The following ANKRD29 variants were observed in gnomAD, a reference collection of about 807,000 sequenced individuals.
The protein encoded by ANKRD29 is ankyrin repeat domain-containing protein 29.
In ANKRD29, 32 loss-of-function variants were observed where a neutral mutation model predicts 38.0. The ratio of observed to expected loss-of-function variants is 0.84; its 90% CI spans 0.64 to 1.13. The LOEUF (loss-of-function observed/expected upper bound fraction) is 1.13, where lower values mean the gene tolerates loss of function less well. ANKRD29 is among the 50% of genes most tolerant of loss of function. ANKRD29 has a pLI of 0.00. For missense variants in ANKRD29, 357 were observed against 377.9 expected (o/e 0.94, Z 0.46); for synonymous variants, 135 against 152.4 (o/e 0.89, Z 0.84).
At chr18:23,647,052 T>C (rs1261271732) in intron 2 of ANKRD29, 1 of 152,232 alleles carries the variant, frequency 6.6e-6, no homozygotes, top group Non-Finnish European at 1.5e-5. Flanking sequence ...TGCTCAGAAG[T>C]GGATGATGAG....
chr18:23,633,951 A>G, intron 5 of ANKRD29, 100 bp downstream of exon 5: 2 of 1,194,314 alleles, frequency 1.7e-6, no homozygotes, highest in Non-Finnish European at 2.5e-6. Context: ...CCTACTGTCC[A>G]TTAAAGTATT....
chr18:23,616,063 C>T (rs1435539497), intron 8 of ANKRD29, among the ~76,000 whole-genome samples: 3 of 147,064 alleles, frequency 2.0e-5, no homozygotes, highest in East Asian at 3.9e-4. Flanking sequence ...CTACACATAC[C>T]GTATGTATGT....
chr18:23,638,124 A>C (rs978130696), intron 4 of ANKRD29, among the ~76,000 whole-genome samples: 4 of 149,524 alleles, frequency 2.7e-5, no homozygotes, highest in Non-Finnish European at 5.9e-5. Context: ...CAGCCTCCTG[A>C]GTAGCTGGGA....
chr18:23,619,702 AC>A, intron 6 of ANKRD29, 73 bp from the exon 7 acceptor site: 1 of 1,323,956 alleles, frequency 7.6e-7, no homozygotes, highest in Non-Finnish European at 1.0e-6. Context: ...CGTCTTTAAC[AC>A]CAGGGGTCTG....
intron 1 of ANKRD29, 54 bp from the exon 2 acceptor site, chr18:23,649,247 G>A: frequency 6.3e-6 from 8 of 1,273,244 alleles, no homozygotes; most frequent in Non-Finnish European, 7.9e-6. Flanking sequence ...TAACATGACT[G>A]CTGCTATGCA....
intron 3 of ANKRD29, among the ~76,000 whole-genome samples, chr18:23,639,725 AG>A (rs1219498934): frequency 3.3e-5 from 5 of 152,030 alleles, no homozygotes; most frequent in African/African-American, 4.8e-5. Flanking sequence ...TAGTAGAAAC[AG>A]GGTTTCACTA....
intron 3 of ANKRD29, among the ~76,000 whole-genome samples, chr18:23,644,614 C>T (rs2060116145): frequency 6.6e-6 from 1 of 152,214 alleles, no homozygotes; most frequent in East Asian, 1.9e-4. Flanking sequence ...TCCAGGGCTA[C>T]AGAGACCCAG....
Position 23,616,526 on chromosome 18 carries a change from G to A in ANKRD29, c.723+1206C>T, listed in dbSNP as rs144028323. 2.5e-3 allele frequency among the ~76,000 whole-genome samples: 331 copies of A among 133,262 alleles called. 13 individuals are homozygous for A. In the East Asian group the frequency reaches 0.071, roughly 29 times the overall value. The allele number at this position is 133,262 out of a possible 152,430, so 87.4% of individuals were successfully genotyped here. A position where few individuals can be genotyped will look rare whatever the true frequency, so the allele number is the denominator to read the frequency against. ...AGTGAAACCCTGTCTCTGAAAAAATGTAAATTTATACTATATATATATAGT... is the reference window on the plus strand; with the variant it reads ...AGTGAAACCCTGTCTCTGAAAAAATATAAATTTATACTATATATATATAGT... On this transcript the variant is annotated intron_variant, in intron 8 of 9. Coordinates refer to ENST00000592179, the MANE Select transcript of ANKRD29 (RefSeq NM_173505.4).
chr18:23,644,752 C>T (rs571746539), intron 3 of ANKRD29, among the ~76,000 whole-genome samples: 5 of 152,330 alleles, frequency 3.3e-5, no homozygotes, highest in African/African-American at 1.2e-4. Context: ...TCTGCATTGC[C>T]TAGGCTGGTA....
intron 9 of ANKRD29, among the ~76,000 whole-genome samples, chr18:23,607,769 T>C (rs1183441742): frequency 6.6e-6 from 1 of 152,234 alleles, no homozygotes; most frequent in Non-Finnish European, 1.5e-5. Flanking sequence ...TCGTTCATTA[T>C]GGAGCAGGAG....
chr18:23,611,334 T>C (rs1185572742), intron 9 of ANKRD29, among the ~76,000 whole-genome samples: 2 of 152,138 alleles, frequency 1.3e-5, no homozygotes, highest in South Asian at 2.1e-4. Flanking sequence ...AATACTCCCA[T>C]AGTAACTGCT....
chr18:23,656,104 A>C (rs1334265889), intron 1 of ANKRD29, among the ~76,000 whole-genome samples: 1 of 151,648 alleles, frequency 6.6e-6, no homozygotes, highest in East Asian at 2.0e-4. Flanking sequence ...AAAAAAAAAA[A>C]AAAAAAGATA....
intron 4 of ANKRD29, 62 bp from the exon 5 acceptor site, chr18:23,634,211 T>A: frequency 7.8e-7 from 1 of 1,276,172 alleles, no homozygotes; most frequent in Non-Finnish European, 1.1e-6. Context: ...CACCAGCAGA[T>A]GTTCCTCACA....
At chr18:23,659,666 C>A (rs1033116092) in intron 1 of ANKRD29, among the ~76,000 whole-genome samples, 4 of 151,550 alleles carry the variant, frequency 2.6e-5, no homozygotes, top group Admixed American at 6.6e-5. Flanking sequence ...TTGCTTGAAC[C>A]CGGGAGGCAG....
At chr18:23,601,502 T>C (rs889610666) in intron 9 of ANKRD29, among the ~76,000 whole-genome samples, 193 bp from the exon 10 acceptor site, 8 of 152,182 alleles carry the variant, frequency 5.3e-5, no homozygotes, top group Non-Finnish European at 1.0e-4. Flanking sequence ...CCTTATCTCA[T>C]TCTTAGAGAC....
chr18:23,601,831 G>A (rs574855408), intron 9 of ANKRD29, among the ~76,000 whole-genome samples: 137 of 151,928 alleles, frequency 9.0e-4, no homozygotes, highest in African/African-American at 3.2e-3. Context: ...CACTATGCTC[G>A]GCTAATTTCC....
At chr18:23,623,843 C>T (rs917620681) in intron 6 of ANKRD29, among the ~76,000 whole-genome samples, 8 of 151,938 alleles carry the variant, frequency 5.3e-5, no homozygotes, top group African/African-American at 1.9e-4. Flanking sequence ...TGGGGTTTCA[C>T]CGTGTTAGGC....
chr18:23,623,886 G>A (rs924736311), intron 6 of ANKRD29, among the ~76,000 whole-genome samples: 3 of 151,538 alleles, frequency 2.0e-5, no homozygotes, highest in Non-Finnish European at 4.4e-5. Context: ...CTTGTAATCT[G>A]CCCGCCTCGG....
At chr18:23,613,674 A>C (rs1477630062) in intron 8 of ANKRD29, among the ~76,000 whole-genome samples, 1 of 146,008 alleles carries the variant, frequency 6.8e-6, no homozygotes, top group African/African-American at 2.6e-5. Context: ...ATCTCGGCTC[A>C]CTGCAAGCTC....
Sources: gnomAD v4.1 joint callset for allele counts (sites outside exome capture counted in the v4.1 genomes callset) on GRCh38, gnomAD v4.1.1 for gene constraint, MANE v1.5 for transcripts, NCBI Gene and HGNC (gene_info 2026-07-23, HGNC 2026-07-21) for gene names.